Variants in TAOK1 observed in about 807,000 individuals in gnomAD.
TAOK1 encodes TAO kinase 1, also known as serine/threonine-protein kinase TAO1.
A neutral mutation model predicts 138.3 loss-of-function variants in TAOK1; 21 were observed. That is an observed-to-expected ratio of 0.15 (90% CI 0.11 to 0.22). The LOEUF is 0.22. TAOK1 is among the 10% of genes least tolerant of loss of function. The probability of loss-of-function intolerance (pLI) is 1.00; values close to 1 mark genes in which losing one functional copy is unlikely to be tolerated. For synonymous variants in TAOK1, 361 were observed against 398.4 expected (o/e 0.91, Z 1.12); for missense variants, 651 against 1,227.7 (o/e 0.53, Z 7.02).
At chr17:29,425,232 G>A (rs986977059) in intron 1 of TAOK1, among the ~76,000 whole-genome samples, 8 of 152,096 alleles carry the variant, frequency 5.3e-5, no homozygotes, top group Non-Finnish European at 7.4e-5. Flanking sequence ...ACCATGCCCG[G>A]CTAATTTTTT....
intron 1 of TAOK1, among the ~76,000 whole-genome samples, chr17:29,397,152 G>A (rs552230165): frequency 4.0e-5 from 6 of 151,654 alleles, no homozygotes; most frequent in African/African-American, 1.5e-4. Context: ...AAAATTAGCC[G>A]GGCGTGGTGG....
At chr17:29,540,350 T>TTTTGTTTGTTTGTTTG (rs35111957) in intron 19 of TAOK1, among the ~76,000 whole-genome samples, 4 of 149,912 alleles carry the variant, frequency 2.7e-5, no homozygotes, top group African/African-American at 9.9e-5. Context: ...TTTTTTCTGT[T>TTTTGTTTGTTTGTTTG]TTTGTTTGTT....
intron 3 of TAOK1, among the ~76,000 whole-genome samples, chr17:29,470,282 T>C (rs1639729613): frequency 6.6e-6 from 1 of 152,168 alleles, no homozygotes; most frequent in African/African-American, 2.4e-5. Flanking sequence ...TATTTCCTGA[T>C]AGGTATAGGT....
At chr17:29,452,745 T>C (rs1248493597) in intron 2 of TAOK1, among the ~76,000 whole-genome samples, 2 of 152,232 alleles carry the variant, frequency 1.3e-5, no homozygotes, top group African/African-American at 4.8e-5. Flanking sequence ...ATTTATTCTT[T>C]TGTTTCTAGC....
At chr17:29,467,717 C>G (rs193004747) in intron 3 of TAOK1, among the ~76,000 whole-genome samples, 1 of 152,094 alleles carries the variant, frequency 6.6e-6, no homozygotes, top group Admixed American at 6.5e-5. Flanking sequence ...ACCGATGTAC[C>G]CATTTAACTC....
chr17:29,464,672 A>G (rs900361559), intron 2 of TAOK1, among the ~76,000 whole-genome samples: 1 of 152,128 alleles, frequency 6.6e-6, no homozygotes, highest in African/African-American at 2.4e-5. Flanking sequence ...AAAGAAATTC[A>G]TATCTAACAA....
At chr17:29,402,261 G>T (rs1445320067) in intron 1 of TAOK1, among the ~76,000 whole-genome samples, 1 of 152,152 alleles carries the variant, frequency 6.6e-6, no homozygotes, top group Non-Finnish European at 1.5e-5. Flanking sequence ...CTATGTGTGA[G>T]TGCAGTTTCT....
intron 2 of TAOK1, among the ~76,000 whole-genome samples, chr17:29,453,739 G>A (rs950803234): frequency 4.0e-5 from 6 of 151,620 alleles, no homozygotes; most frequent in African/African-American, 1.5e-4. Flanking sequence ...ACCATGTCTA[G>A]CTATATTTTG....
chr17:29,540,556 T>C (rs1412568354), intron 19 of TAOK1, among the ~76,000 whole-genome samples: 27 of 148,920 alleles, frequency 1.8e-4, no homozygotes, highest in Admixed American at 1.8e-3. Flanking sequence ...TTTGGGTTGT[T>C]TGTTTTTTGT....
intron 10 of TAOK1, among the ~76,000 whole-genome samples, chr17:29,495,302 C>T (rs745605498): frequency 1.3e-5 from 2 of 151,946 alleles, no homozygotes; most frequent in African/African-American, 2.4e-5. Flanking sequence ...AGTGTTTAGA[C>T]CCTTCAGTTA....
At chr17:29,450,985 G>C (rs1238513808) in intron 1 of TAOK1, among the ~76,000 whole-genome samples, 1 of 152,190 alleles carries the variant, frequency 6.6e-6, no homozygotes, top group Non-Finnish European at 1.5e-5. Context: ...AGTTGTCTGT[G>C]AAATACATTA....
At chr17:29,488,870 A>G (rs2031236294) in intron 8 of TAOK1, among the ~76,000 whole-genome samples, 1 of 152,156 alleles carries the variant, frequency 6.6e-6, no homozygotes, top group Admixed American at 6.5e-5. Flanking sequence ...AACAGTAGAG[A>G]AAATCAGTGC....
At chr17:29,439,924 G>T (rs1448521838) in intron 1 of TAOK1, among the ~76,000 whole-genome samples, 1 of 151,304 alleles carries the variant, frequency 6.6e-6, no homozygotes, top group Non-Finnish European at 1.5e-5. Flanking sequence ...TAATAGTGGG[G>T]AGTTATAGGT....
intron 15 of TAOK1, 169 bp downstream of exon 15, chr17:29,511,161 G>T: frequency 7.1e-6 from 3 of 422,256 alleles, no homozygotes; most frequent in Non-Finnish European, 1.2e-5. Flanking sequence ...CCTTAACTGA[G>T]TCATTTAGTT....
intron 1 of TAOK1, among the ~76,000 whole-genome samples, chr17:29,416,234 A>T (rs1439569487): frequency 6.6e-6 from 1 of 152,342 alleles, no homozygotes; most frequent in South Asian, 2.1e-4. Context: ...ACTGCACTCC[A>T]GTCTGAGTGA....
chr17:29,441,274 C>T (rs12941023), intron 1 of TAOK1, among the ~76,000 whole-genome samples: 23,480 of 151,894 alleles, frequency 0.15, 2,076 homozygotes, highest in Middle Eastern at 0.22. Context: ...CTTTGGAGAC[C>T]GAGACTACAG....
At chr17:29,475,531 C>A in intron 3 of TAOK1, 139 bp from the exon 4 acceptor site, 1 of 601,594 alleles carries the variant, frequency 1.7e-6, no homozygotes, top group South Asian at 2.1e-5. Context: ...AAGAGCAAGA[C>A]CCTCCCAATA....
intron 1 of TAOK1, among the ~76,000 whole-genome samples, chr17:29,403,044 C>A (rs1156337531): frequency 6.6e-6 from 1 of 150,906 alleles, no homozygotes; most frequent in Admixed American, 6.6e-5. Flanking sequence ...ACCTGCAATC[C>A]CAGCTACTAG....
intron 8 of TAOK1, among the ~76,000 whole-genome samples, chr17:29,483,439 G>A (rs1193902893): frequency 6.6e-6 from 1 of 152,024 alleles, no homozygotes; most frequent in Non-Finnish European, 1.5e-5. Flanking sequence ...AAATCTGTTG[G>A]TAATTTTGAT....
Sources: allele counts gnomAD v4.1 joint callset (sites outside exome capture counted in the v4.1 genomes callset), GRCh38; gene constraint gnomAD v4.1.1; transcripts MANE v1.5; gene names NCBI Gene and HGNC (gene_info 2026-07-23, HGNC 2026-07-21).